Variants in AHRR observed in about 807,000 individuals in gnomAD.
AHRR encodes the protein aryl hydrocarbon receptor repressor, also known as ahR repressor.
Under a neutral mutation model 44.0 loss-of-function variants are expected in AHRR, and 28 were observed. The ratio of observed to expected loss-of-function variants is 0.64; its 90% CI spans 0.47 to 0.87. The LOEUF is 0.87. Ranked by LOEUF, AHRR falls within the 40% of genes least tolerant of loss-of-function variation. AHRR has a pLI of 0.00. For synonymous variants in AHRR, 434 were observed against 407.0 expected (o/e 1.07, Z -0.80); for missense variants, 990 against 953.9 (o/e 1.04, Z -0.50).
At chr5:341,866 G>A (rs1211065401) in intron 1 of AHRR, among the ~76,000 whole-genome samples, 2 of 151,992 alleles carry the variant, frequency 1.3e-5, no homozygotes, top group African/African-American at 4.8e-5. Flanking sequence ...CAAAGTACTG[G>A]TTAGCTGCAT....
chr5:423,390 G>T (rs961703244), intron 6 of AHRR, among the ~76,000 whole-genome samples: 2 of 152,198 alleles, frequency 1.3e-5, no homozygotes, highest in East Asian at 3.9e-4. Flanking sequence ...ACAGGCGGGG[G>T]CTGTGCTGGG....
intron 7 of AHRR, among the ~76,000 whole-genome samples, chr5:425,560 T>TA (rs771823860): frequency 2.4e-4 from 36 of 152,224 alleles, no homozygotes; most frequent in Non-Finnish European, 4.4e-4. Flanking sequence ...TTAAGATACT[T>TA]ACTTTTATTG....
At chr5:386,929 G>T (rs554754195) in intron 4 of AHRR, among the ~76,000 whole-genome samples, 9 of 152,066 alleles carry the variant, frequency 5.9e-5, no homozygotes, top group African/African-American at 1.9e-4. Flanking sequence ...GGGTCCTGAG[G>T]CACCATCTAG....
Position 395,529 on chromosome 5 carries a change from C to T in AHRR, c.352-17815C>T, listed in dbSNP as rs1718666388. Among the ~76,000 whole-genome samples the T allele has an allele frequency of 6.6e-6, 1 of 152,226 alleles. No individual in the cohort carries two copies. The highest frequency in any genetic ancestry group is 2.1e-4 in the South Asian group (1 of 4,834). ...GGCCAGGTCATCAGAAGCGCCTGCT[C>T]CAGCTCCCACCCTGCCTGTGCCCAG... On this transcript the variant is annotated intron_variant, in intron 4 of 10. Transcript: ENST00000684583. This position sits in a 1 kb window ranked among gnomAD's most constrained non-coding sequence, Gnocchi z 5.3.
In AHRR at chr5:437,160, GC is replaced by G. The variant is rs1664390091; in HGVS notation, c.*2327del. The G allele has an allele frequency of 1.3e-5, 2 of 152,410 alleles. No individual in the cohort carries two copies. Among genetic ancestry groups the G allele is most frequent in the African/African-American group, 4.8e-5 (2 of 41,454 alleles). 9.4% of individuals were successfully genotyped at this position (152,410 alleles called of 1,614,324 possible). ...GCCCAGGAGTTCAAGACCAGCCTGG[GC>G]AACACAGGAAGAATGTGTCTCTACA... On this transcript the variant is annotated 3_prime_UTR_variant, in exon 11 of 11. Coordinates refer to ENST00000684583, the MANE Select transcript of AHRR (RefSeq NM_001377236.1).
intron 4 of AHRR, 46 bp downstream of exon 4, chr5:376,762 C>A: frequency 6.8e-7 from 1 of 1,472,242 alleles, no homozygotes; most frequent in Non-Finnish European, 9.3e-7. Flanking sequence ...CTTGGTTCTC[C>A]GTGTCACGCG....
intron 3 of AHRR, among the ~76,000 whole-genome samples, chr5:364,904 T>TCACTATGTAA (rs1463107638): frequency 6.6e-6 from 1 of 152,024 alleles, no homozygotes. Flanking sequence ...ATAGAGAGAA[T>TCACTATGTAA]CACTATGTAA....
At chr5:428,193 G>C (rs1039527012) in intron 8 of AHRR, among the ~76,000 whole-genome samples, 187 bp downstream of exon 8, 1 of 152,196 alleles carries the variant, frequency 6.6e-6, no homozygotes, top group Non-Finnish European at 1.5e-5. Context: ...TTTCAAACTC[G>C]TATTTGCAAA....
At chr5:380,185 T>G (rs1397686884) in intron 4 of AHRR, among the ~76,000 whole-genome samples, 1 of 152,262 alleles carries the variant, frequency 6.6e-6, no homozygotes, top group Non-Finnish European at 1.5e-5. Flanking sequence ...GTTCTATATA[T>G]CTGTATTTTT....
chr5:417,801 T>C (rs2126523226), intron 5 of AHRR, among the ~76,000 whole-genome samples: 1 of 152,364 alleles, frequency 6.6e-6, no homozygotes, highest in South Asian at 2.1e-4. Context: ...GCATTGCCTC[T>C]AGTTTATGCA....
At chr5:362,974 C>T (rs1743231565) in intron 3 of AHRR, among the ~76,000 whole-genome samples, 1 of 152,258 alleles carries the variant, frequency 6.6e-6, no homozygotes, top group African/African-American at 2.4e-5. Context: ...CAGGACTTTT[C>T]TGGTCCCTTC....
At position 406,983 on chromosome 5, in the gene AHRR, A is replaced by G. The variant is rs1371425501; in HGVS notation, c.352-6361A>G. The stretch of plus-strand genomic sequence containing the variant: ...ATTTGAGGTGACACCTTTTTCATGC[A>G]TCAAATTTCCATTTGCGCTTGGACC... On this transcript the variant is annotated intron_variant, in intron 4 of 10. Coordinates refer to ENST00000684583, the MANE Select transcript of AHRR (RefSeq NM_001377236.1). This position sits in a 1 kb window ranked among gnomAD's most constrained non-coding sequence, Gnocchi z 4.7. 1.3e-5 allele frequency among the ~76,000 whole-genome samples: 2 copies of G among 152,216 alleles called. No homozygotes were observed. The highest frequency in any genetic ancestry group is 2.9e-5 in the Non-Finnish European group (2 of 68,032).
rs1397025572 is a variant in AHRR at position 326,778 on chromosome 5, GGC to G, written c.-11+4960_-11+4961del. Among the ~76,000 whole-genome samples the G allele has an allele frequency of 6.6e-6, 1 of 152,058 alleles. No individual in the cohort carries two copies. The highest frequency in any genetic ancestry group is 2.4e-5 in the African/African-American group (1 of 41,406). On this transcript the variant is annotated intron_variant, in intron 1 of 10. Transcript: ENST00000684583. This position sits in a 1 kb window ranked among gnomAD's most constrained non-coding sequence, Gnocchi z 4.1. ...TGTTCCATTAAAAAAAATGATAGCT[GGC>G]CCGGCGCATGGTTCACGCCTGTAAT... is the stretch of plus-strand genomic sequence containing the variant.
chr5:384,297 C>T lies in AHRR; in HGVS notation c.351+7581C>T, dbSNP rs1029421271. Among the ~76,000 whole-genome samples, 10 of 152,166 alleles carry T rather than the reference C, an allele frequency of 6.6e-5. No individual in the cohort carries two copies. In the South Asian group the frequency reaches 1.9e-3, roughly 28 times the overall value. Reference sequence around the variant, plus strand: ...GTTGTAAGGATTATAATATATAAATCCTACTTTACAAAGTTGAAATTTTAC... The same window carrying T: ...GTTGTAAGGATTATAATATATAAATTCTACTTTACAAAGTTGAAATTTTAC... On this transcript the variant is annotated intron_variant, in intron 4 of 10. Transcript: ENST00000684583.
intron 1 of AHRR, chr5:322,496 G>A (rs1428638600): frequency 6.6e-6 from 1 of 152,090 alleles, no homozygotes; most frequent in Non-Finnish European, 1.5e-5. Context: ...GGCAGGCGGG[G>A]AGGGGCTTCC....
At chr5:428,772 G>C (rs1202940039) in intron 8 of AHRR, among the ~76,000 whole-genome samples, 3 of 152,246 alleles carry the variant, frequency 2.0e-5, no homozygotes, top group Non-Finnish European at 4.4e-5. Context: ...CCCCATGGCG[G>C]GGGTGGGGGT....
At position 383,830 on chromosome 5, in the gene AHRR, G is replaced by T. The variant is rs1258155333; in HGVS notation, c.351+7114G>T. 6.6e-6 allele frequency among the ~76,000 whole-genome samples: 1 copy of T among 152,066 alleles called. No individual in the cohort carries two copies. The highest frequency in any genetic ancestry group is 1.5e-5 in the Non-Finnish European group (1 of 68,010). ...CCTCCCACCCCCGGCCTCCCAAAGTGTTGAGATTACAGGTGTGAGCCACCA... is the reference window on the plus strand; with the variant it reads ...CCTCCCACCCCCGGCCTCCCAAAGTTTTGAGATTACAGGTGTGAGCCACCA... On this transcript the variant is annotated intron_variant, in intron 4 of 10. Transcript: ENST00000684583. The surrounding 1 kb of genome is among the most constrained non-coding windows in gnomAD (Gnocchi z 4.0).
intron 2 of AHRR, among the ~76,000 whole-genome samples, chr5:351,594 G>A (rs1255205822): frequency 1.3e-5 from 2 of 152,216 alleles, no homozygotes; most frequent in East Asian, 3.8e-4. Flanking sequence ...GCTAACAGAA[G>A]GGGAATCTAG....
chr5:324,420 AT>A (rs530944388), intron 1 of AHRR, among the ~76,000 whole-genome samples: 2,432 of 148,606 alleles, frequency 0.016, 30 homozygotes, highest in Non-Finnish European at 0.022. Flanking sequence ...TCCACTTGGA[AT>A]TTTTTTTTTA....
Sources: allele counts gnomAD v4.1 joint callset (sites outside exome capture counted in the v4.1 genomes callset), GRCh38; gene constraint gnomAD v4.1.1; non-coding constraint Gnocchi (gnomAD v3.1); transcripts MANE v1.5; gene names NCBI Gene and HGNC (gene_info 2026-07-23, HGNC 2026-07-21).